Variants in SBK1 observed in about 807,000 individuals in gnomAD.
The protein encoded by SBK1 is SH3 domain binding kinase 1.
SBK1 carries 11 observed loss-of-function variants against 24.4 expected under a neutral mutation model. That is an observed-to-expected ratio of 0.45 (90% CI 0.28 to 0.75). SBK1 has a LOEUF of 0.75. Ranked by LOEUF, SBK1 falls within the 30% of genes least tolerant of loss-of-function variation. The pLI, the probability that SBK1 is intolerant of heterozygous loss-of-function variation, is 0.12. For synonymous variants in SBK1, 308 were observed against 284.4 expected (o/e 1.08, Z -0.83); for missense variants, 467 against 620.5 (o/e 0.75, Z 2.63).
intron 1 of SBK1, among the ~76,000 whole-genome samples, chr16:28,264,695 G>T (rs759429720): frequency 6.6e-6 from 1 of 152,154 alleles, no homozygotes; most frequent in African/African-American, 2.4e-5. Context: ...GGAGCCTCTC[G>T]GCTGACGGTG....
chr16:28,280,652 C>A (rs1222120667), intron 1 of SBK1, among the ~76,000 whole-genome samples: 1 of 147,656 alleles, frequency 6.8e-6, no homozygotes, highest in African/African-American at 2.4e-5. Context: ...ACAGTAACTT[C>A]ATTTATTTTA....
Position 28,320,244 on chromosome 16 carries a change from C to A in SBK1, c.598C>A (p.Arg200Ser). ...VKLADFGMTRRVGCRVKRVSG... is the reference protein window; with the variant it reads ...VKLADFGMTRSVGCRVKRVSG... ...GCTGGCCGACTTCGGCATGACGCGC[C>A]GCGTGGGCTGCCGCGTCAAGCGCGT... The change falls in exon 4 of 4, where the codon CGC (arginine) becomes AGC (serine). Residue 200 changes from arginine to serine, a missense_variant. Physicochemically the swap from Arg to Ser is moderately radical, Grantham distance 110. Around this residue, in one of 4 missense-constraint regions of SBK1, gnomAD observed 92 missense variants for 193.8 expected, o/e 0.47. Transcript: ENST00000341901. The surrounding 1 kb of genome is among the most constrained non-coding windows in gnomAD (Gnocchi z 8.5). The A allele has an allele frequency of 6.3e-7, 1 of 1,591,926 alleles. No homozygotes were observed.
At chr16:28,313,395 A>G (rs1005615217) in intron 1 of SBK1, among the ~76,000 whole-genome samples, 3 of 151,872 alleles carry the variant, frequency 2.0e-5, no homozygotes, top group African/African-American at 7.3e-5. Flanking sequence ...TCAGGAATTC[A>G]AGACCAGCCT....
At chr16:28,303,436 A>G (rs1376683219) in intron 1 of SBK1, among the ~76,000 whole-genome samples, 2 of 148,030 alleles carry the variant, frequency 1.4e-5, no homozygotes, top group Non-Finnish European at 3.0e-5. Context: ...GAGTTATTTT[A>G]TGCAAATACA....
At chr16:28,276,964 G>C (rs1342228561) in intron 1 of SBK1, among the ~76,000 whole-genome samples, 4 of 152,064 alleles carry the variant, frequency 2.6e-5, no homozygotes, top group Admixed American at 6.6e-5. Flanking sequence ...GCTCCCGGGC[G>C]GTGGATTGAA....
At chr16:28,291,370 A>T (rs575054249), upstream of SBK1, 50 of 150,570 alleles carry the variant, frequency 3.3e-4, no homozygotes, top group African/African-American at 1.2e-3. Flanking sequence ...GGTGGGGGGA[A>T]GGGGGAGGGA....
At chr16:28,262,015 G>A (rs1180399976) in intron 1 of SBK1, among the ~76,000 whole-genome samples, 1 of 152,184 alleles carries the variant, frequency 6.6e-6, no homozygotes, top group Non-Finnish European at 1.5e-5. Context: ...GAGGGGACAG[G>A]GCCAGGCTGG....
At chr16:28,279,375 G>A (rs1388184867) in intron 1 of SBK1, among the ~76,000 whole-genome samples, 1 of 140,852 alleles carries the variant, frequency 7.1e-6, no homozygotes, top group Non-Finnish European at 1.5e-5. Context: ...CTCCAGCCTG[G>A]GACAACAGAG....
intron 1 of SBK1, among the ~76,000 whole-genome samples, chr16:28,261,428 T>TACACAC (rs35296302): frequency 0.014 from 1,773 of 124,642 alleles, 33 homozygotes; most frequent in Admixed American, 0.024. Context: ...GACTCCCGTC[T>TACACAC]ACACACACAC....
intron 1 of SBK1, among the ~76,000 whole-genome samples, chr16:28,266,312 A>T (rs2044427964): frequency 6.6e-6 from 1 of 152,098 alleles, no homozygotes; most frequent in Non-Finnish European, 1.5e-5. Flanking sequence ...GGCTGCAGTG[A>T]GCTAAGATCA....
chr16:28,288,766 T>C (rs1197210658), upstream of SBK1, among the ~76,000 whole-genome samples: 2 of 152,182 alleles, frequency 1.3e-5, no homozygotes, highest in Non-Finnish European at 2.9e-5. Flanking sequence ...AGTGCAGCCA[T>C]GCTGGTGCCC....
chr16:28,289,317 A>C (rs2044584820), upstream of SBK1, among the ~76,000 whole-genome samples: 3 of 152,224 alleles, frequency 2.0e-5, no homozygotes, highest in Non-Finnish European at 4.4e-5. Flanking sequence ...AGTTAGAATG[A>C]AATCCGAAAC....
intron 1 of SBK1, among the ~76,000 whole-genome samples, chr16:28,308,279 T>C (rs922974137): frequency 4.6e-5 from 7 of 152,004 alleles, no homozygotes; most frequent in Admixed American, 2.6e-4. Flanking sequence ...GCCCTCTAAA[T>C]ATCTAGGATT....
At chr16:28,285,791 C>T (rs532412325) in intron 1 of SBK1, 11 of 152,258 alleles carry the variant, frequency 7.2e-5, no homozygotes, top group Non-Finnish European at 1.5e-4. Context: ...TGGCGCGAGC[C>T]GCCACATGCA....
In SBK1 at chr16:28,322,920, CTCTCTCTCTCCCT is replaced by C. The variant is rs2044865259; in HGVS notation, c.*2000_*2012del. ...GTGCTCGCTCTCTCTCTCGCGCGCG[CTCTCTCTCTCCCT>C]CTCTCTCTCTCTCTCTCTCTCTCTC... On this transcript the variant is annotated 3_prime_UTR_variant, in exon 4 of 4. Coordinates refer to ENST00000341901, the MANE Select transcript of SBK1 (RefSeq NM_001024401.3). 5.6e-5 allele frequency: 1 copy of C among 17,896 alleles called. No homozygotes were observed. Among genetic ancestry groups the C allele is most frequent in the African/African-American group, 2.0e-4 (1 of 4,988 alleles). The allele number at this position is 17,896 out of a possible 1,614,324, so 1.1% of individuals were successfully genotyped here. A position where few individuals can be genotyped will look rare whatever the true frequency, so the allele number is the denominator to read the frequency against.
At chr16:28,314,041 C>G (rs561788116) in intron 1 of SBK1, among the ~76,000 whole-genome samples, 1 of 148,188 alleles carries the variant, frequency 6.7e-6, no homozygotes, top group Admixed American at 7.1e-5. Context: ...ACCTATGGAG[C>G]ACTTACTGCA....
intron 1 of SBK1, among the ~76,000 whole-genome samples, chr16:28,262,130 A>G (rs559540252): frequency 6.6e-6 from 1 of 152,254 alleles, no homozygotes; most frequent in African/African-American, 2.4e-5. Flanking sequence ...GTGGGACAGA[A>G]GGCTCTGGAG....
At chr16:28,302,993 C>G (rs1424351624) in intron 1 of SBK1, among the ~76,000 whole-genome samples, 1 of 151,448 alleles carries the variant, frequency 6.6e-6, no homozygotes, top group Non-Finnish European at 1.5e-5. Flanking sequence ...TAGGGCAATC[C>G]TGGTTGAGAA....
chr16:28,272,209 A>G (rs987155933), intron 1 of SBK1, among the ~76,000 whole-genome samples: 1 of 151,902 alleles, frequency 6.6e-6, no homozygotes, highest in Non-Finnish European at 1.5e-5. Flanking sequence ...AGCTGGGACT[A>G]CAGATGCATG....
Sources: gnomAD v4.1 joint callset for allele counts (sites outside exome capture counted in the v4.1 genomes callset) on GRCh38, gnomAD v4.1.1 for gene constraint, gnomAD v4.1.1 regional missense constraint, Gnocchi (gnomAD v3.1) non-coding constraint, MANE v1.5 for transcripts, NCBI Gene and HGNC (gene_info 2026-07-23, HGNC 2026-07-21) for gene names.